The following CALR3 variants were observed in gnomAD, a reference collection of about 807,000 sequenced individuals.
CALR3 encodes the protein calreticulin-3.
Under a neutral mutation model 48.7 loss-of-function variants are expected in CALR3, and 39 were observed. The ratio of observed to expected loss-of-function variants is 0.80; its 90% confidence interval spans 0.62 to 1.05. CALR3 has a LOEUF of 1.05. Ranked by LOEUF, CALR3 falls within the 50% of genes least tolerant of loss-of-function variation. The probability of loss-of-function intolerance (pLI) is 0.00; values close to 1 mark genes in which losing one functional copy is unlikely to be tolerated. For synonymous variants in CALR3, 185 were observed against 172.7 expected (o/e 1.07, Z -0.56); for missense variants, 449 against 474.7 (o/e 0.95, Z 0.50).
chr19:16,485,981 G>C (rs1193612596), intron 3 of CALR3, among the ~76,000 whole-genome samples: 2 of 152,022 alleles, frequency 1.3e-5, no homozygotes, highest in Non-Finnish European at 2.9e-5. Flanking sequence ...TCTTATTATT[G>C]TTGTTAAAGG....
chr19:16,491,971 G>C (rs921185239), intron 2 of CALR3, among the ~76,000 whole-genome samples: 3 of 151,786 alleles, frequency 2.0e-5, no homozygotes, highest in African/African-American at 7.2e-5. Flanking sequence ...TGCGACTACA[G>C]GCGTGCGACA....
At chr19:16,481,267 T>C (rs1309652301) in intron 7 of CALR3, among the ~76,000 whole-genome samples, 1 of 152,158 alleles carries the variant, frequency 6.6e-6, no homozygotes, top group African/African-American at 2.4e-5. Context: ...GCCTTCATTA[T>C]TGATGTGACA....
In CALR3 at chr19:16,485,323, C is replaced by A. The variant is rs112485182; in HGVS notation, c.398-66G>T. 22 of 1,006,384 alleles carry A rather than the reference C, an allele frequency of 2.2e-5. No homozygotes were observed. The South Asian group carries it at 2.7e-4, about 12-fold the overall frequency. The allele number at this position is 1,006,384 out of a possible 1,614,324, so 62.3% of individuals were successfully genotyped here. On this transcript the variant is annotated intron_variant, in intron 3 of 8. Coordinates refer to ENST00000269881, the MANE Select transcript of CALR3 (RefSeq NM_145046.5). ...GCATCACCGTAGAATAACCAACCCA[C>A]AACCATTCTTTTTTTTTTTTTGAGA...
intron 6 of CALR3, 24 bp downstream of exon 6, chr19:16,482,654 G>A: frequency 6.2e-7 from 1 of 1,614,076 alleles, no homozygotes; most frequent in Non-Finnish European, 8.5e-7. Flanking sequence ...GGCATCCCTG[G>A]CATCATACAA....
chr19:16,496,100 G>A lies in CALR3; in HGVS notation c.30C>T (p.Ala10=), dbSNP rs762852375. 58 of 1,606,608 alleles carry A rather than the reference G, an allele frequency of 3.6e-5. No individual in the cohort carries two copies. Among genetic ancestry groups the A allele is most frequent in the Non-Finnish European group, 4.8e-5 (56 of 1,176,778 alleles). ...CCAGCGCCACTCGCAGCATGCATAT[G>A]GCCCAGAGCTGGACCAAAGCCCGGG... MARALVQLW[A]ICMLRVALAT... Residue 10 remains alanine, a synonymous_variant, in exon 1 of 9, where the codon GCC becomes GCT. Transcript: ENST00000269881.
Position 16,480,335 on chromosome 19 carries a change from T to C in CALR3, c.1011+279A>G, listed in dbSNP as rs150405776. On this transcript the variant is annotated intron_variant, in intron 8 of 8. Transcript: ENST00000269881. ...GGGAGGCCAAGGCAGGTGGATCACC[T>C]GAGGTCAGGACTTCGAGACCAGCCT... 1.3e-3 allele frequency among the ~76,000 whole-genome samples: 196 copies of C among 152,042 alleles called. No individual in the cohort carries two copies. The Middle Eastern group carries it at 0.014, about 11-fold the overall frequency.
Position 16,483,999 on chromosome 19 carries a change from T to A in CALR3, c.609A>T (p.Thr203=), listed in dbSNP as rs776906320. Residue 203 remains threonine, a synonymous_variant, in exon 5 of 9, where the codon ACA becomes ACT. Transcript: ENST00000269881. ...CCGGGGACGTTTCCTTCTTGAGTGA[T>A]GTTAAGTTCCAGTCGTACTCTATGC... is the stretch of plus-strand genomic sequence containing the variant. ...SGSIEYDWNL[T]SLKKETSPAE... 17 of 1,614,120 alleles carry A rather than the reference T, an allele frequency of 1.1e-5. No homozygotes were observed. Among genetic ancestry groups the A allele is most frequent in the Admixed American group, 1.7e-5 (1 of 59,970 alleles).
Position 16,483,911 on chromosome 19 carries a change from G to A in CALR3, c.678+19C>T. ...CTACATTTGTGCACTTTTTAGAGTT[G>A]CCCAGGAAAAATTCACACCTGGGCT... On this transcript the variant is annotated intron_variant, in intron 5 of 8. Coordinates refer to ENST00000269881, the MANE Select transcript of CALR3 (RefSeq NM_145046.5). 11 of 1,612,530 alleles carry A rather than the reference G, an allele frequency of 6.8e-6. No homozygotes were observed. Among genetic ancestry groups the A allele is most frequent in the Non-Finnish European group, 9.3e-6 (11 of 1,179,108 alleles).
chr19:16,481,239 A>G (rs1234268731), intron 7 of CALR3, among the ~76,000 whole-genome samples: 1 of 152,090 alleles, frequency 6.6e-6, no homozygotes, highest in Non-Finnish European at 1.5e-5. Flanking sequence ...CGTGAGCCAT[A>G]CTGTCCCTGG....
chr19:16,479,355 G>T (rs1395305955), intron 8 of CALR3, 81 bp from the exon 9 acceptor site: 12 of 1,529,392 alleles, frequency 7.8e-6, no homozygotes, highest in Non-Finnish European at 1.1e-5. Flanking sequence ...GGAGGCCGAG[G>T]CAGATGGATC....
At chr19:16,488,245 A>G (rs1009690495) in intron 3 of CALR3, among the ~76,000 whole-genome samples, 36 of 151,892 alleles carry the variant, frequency 2.4e-4, no homozygotes, top group African/African-American at 8.5e-4. Context: ...CACCGCACAG[A>G]GCCCTAATTT....
rs752364126 is a variant in CALR3 at position 16,479,136 on chromosome 19, G to A, written c.1150C>T (p.Leu384Phe). 12 of 1,614,116 alleles carry A rather than the reference G, an allele frequency of 7.4e-6. No homozygotes were observed. In the South Asian group the frequency reaches 9.9e-5, roughly 13 times the overall value. The change falls in exon 9 of 9, where the codon CTT becomes TTT. Residue 384 changes from leucine (L) to phenylalanine (F), a missense_variant. Leu to Phe is a conservative substitution (Grantham distance 22). Transcript: ENST00000269881. ...YFNQFHRRNE[L>F] ...CTTATATCCAATGGGGATCACTAAA[G>A]TTCATTCCTTCTGTGAAATTGATTG...
intron 3 of CALR3, among the ~76,000 whole-genome samples, chr19:16,486,284 C>A (rs1311325412): frequency 6.6e-6 from 1 of 151,452 alleles, no homozygotes; most frequent in Non-Finnish European, 1.5e-5. Context: ...CCACTGTACT[C>A]CAGCCTGGGT....
chr19:16,479,318 G>A (rs2122122997), intron 8 of CALR3, 44 bp from the exon 9 acceptor site: 2 of 1,610,786 alleles, frequency 1.2e-6, no homozygotes, highest in East Asian at 4.5e-5. Flanking sequence ...GGGTGCGATG[G>A]CTCGTGCCTG....
At chr19:16,483,434 A>G (rs2093384061) in intron 5 of CALR3, among the ~76,000 whole-genome samples, 1 of 152,000 alleles carries the variant, frequency 6.6e-6, no homozygotes, top group African/African-American at 2.4e-5. Context: ...AGTGATGGTG[A>G]TGGCCAGATG....
rs142902333 is a variant in CALR3 at position 16,482,519 on chromosome 19, G to A, written c.849C>T (p.Thr283=). The part of the protein sequence containing the change: ...DVWLHRKMKN[T]DYLTQYDLSE... The stretch of plus-strand genomic sequence containing the variant: ...AGAGGTCATACTGCGTCAAATAGTC[G>A]GTATTCTTCATCTTACGGTGGAGCC... The change falls in exon 7 of 9, where the codon ACC becomes ACT. Residue 283 remains threonine (T), a synonymous_variant. Coordinates refer to ENST00000269881, the MANE Select transcript of CALR3 (RefSeq NM_145046.5). 1.3e-5 allele frequency: 21 copies of A among 1,614,050 alleles called. No homozygotes were observed. The African/African-American group carries it at 2.4e-4, about 18-fold the overall frequency.
chr19:16,482,891 C>A, intron 5 of CALR3, 106 bp from the exon 6 acceptor site: 7 of 1,064,528 alleles, frequency 6.6e-6, no homozygotes, highest in Non-Finnish European at 8.4e-6. Flanking sequence ...CTCACCCAGG[C>A]TGGAGTGCGG....
chr19:16,482,913 T>C (rs768014995), intron 5 of CALR3, 128 bp from the exon 6 acceptor site: 18 of 842,608 alleles, frequency 2.1e-5, no homozygotes, highest in Non-Finnish European at 3.3e-5. Flanking sequence ...TGTGCAATCA[T>C]GGCTCACTGC....
At chr19:16,492,357 C>T (rs2093399373) in intron 2 of CALR3, among the ~76,000 whole-genome samples, 2 of 152,118 alleles carry the variant, frequency 1.3e-5, no homozygotes, top group African/African-American at 4.8e-5. Context: ...TCGGGAAGCT[C>T]AGGCAGCTGA....
Sources: gnomAD v4.1 joint callset for allele counts (sites outside exome capture counted in the v4.1 genomes callset) on GRCh38, gnomAD v4.1.1 for gene constraint, MANE v1.5 for transcripts, NCBI Gene and HGNC (gene_info 2026-07-23, HGNC 2026-07-21) for gene names.